ZCCHC2: variants seen among roughly 807,000 people sequenced by gnomAD.
ZCCHC2 encodes the protein zinc finger CCHC-type containing 2, also known as zinc finger CCHC domain-containing protein 2.
ZCCHC2 carries 39 observed loss-of-function variants against 103.6 expected under a neutral mutation model. The observed-to-expected ratio is 0.38, with a 90% CI of 0.29 to 0.49. The LOEUF (loss-of-function observed/expected upper bound fraction) is 0.49. Among genes scored for constraint, ZCCHC2 ranks in the 20% least tolerant of loss-of-function variants. ZCCHC2 has a pLI of 0.96. For synonymous variants in ZCCHC2, 687 were observed against 608.9 expected, an observed-to-expected ratio of 1.13 and a Z score of -1.89; for missense variants, 1,483 against 1,491.0, an observed-to-expected ratio of 0.99 and a Z score of 0.09.
At chr18:62,524,417 C>G (rs939419408) in intron 1 of ZCCHC2, 54 bp downstream of exon 1, 2 of 1,426,740 alleles carry the variant, frequency 1.4e-6, no homozygotes, top group African/African-American at 3.0e-5. Flanking sequence ...CCCCGGCGGC[C>G]TCCCCGGCCT....
At chr18:62,584,796 C>T (rs1455684590) in exon 15 of ZCCHC2, 1 of 152,334 alleles carries the variant, frequency 6.6e-6, no homozygotes, top group Admixed American at 6.5e-5. Context: ...TGTTTCCCCT[C>T]GTTTTCTAGG....
intron 5 of ZCCHC2, among the ~76,000 whole-genome samples, chr18:62,554,440 C>T (rs1464835099): frequency 6.6e-6 from 1 of 152,178 alleles, no homozygotes; most frequent in East Asian, 1.9e-4. Flanking sequence ...TTGTTTTTCT[C>T]ACTCATTTGA....
intron 4 of ZCCHC2, among the ~76,000 whole-genome samples, chr18:62,546,765 C>T (rs1360121240): frequency 2.0e-5 from 3 of 152,196 alleles, no homozygotes; most frequent in South Asian, 2.1e-4. Flanking sequence ...TTTCTTCAGT[C>T]GCCCATTTTT....
At chr18:62,525,711 C>A (rs112842661) in intron 1 of ZCCHC2, among the ~76,000 whole-genome samples, 77 of 152,050 alleles carry the variant, frequency 5.1e-4, no homozygotes, top group African/African-American at 1.7e-3. Flanking sequence ...TTTTATCAAA[C>A]TCAGATGTAA....
intron 1 of ZCCHC2, among the ~76,000 whole-genome samples, chr18:62,532,127 G>A (rs912249538): frequency 3.9e-5 from 6 of 152,358 alleles, no homozygotes; most frequent in Middle Eastern, 3.4e-3. Context: ...GTGTGTGCGC[G>A]CGCGCGCACG....
intron 1 of ZCCHC2, among the ~76,000 whole-genome samples, chr18:62,535,635 G>T (rs1914890929): frequency 6.6e-6 from 1 of 152,198 alleles, no homozygotes; most frequent in African/African-American, 2.4e-5. Context: ...GTCTCATGTG[G>T]TGTCTCAGGA....
rs116840410 is a variant in ZCCHC2, at chr18:62,575,567, C to A, written c.3469+17C>A. 4.5e-4 allele frequency: 723 copies of A among 1,601,144 alleles called. 4 individuals carry two copies. The African/African-American group carries it at 8.7e-3, about 19-fold the overall frequency. On this transcript the variant is annotated intron_variant, in intron 13 of 13. Transcript: ENST00000269499. ...ATCAACAAGGTAATCACAATAACTC[C>A]CAGAGGACTTGTTTTTGAGTTCACT...
rs2145524406 is a variant in ZCCHC2, at chr18:62,565,104, G to A, written c.1846+8G>A. ...ATGGTGGTACTGTGAAAGGTAAGAAGGTTATTTTTCTTTCAAATACCCATC... is the reference window on the plus strand; with the variant it reads ...ATGGTGGTACTGTGAAAGGTAAGAAAGTTATTTTTCTTTCAAATACCCATC... On this transcript the variant is annotated splice_region_variant and intron_variant, in intron 11 of 13. Coordinates refer to ENST00000269499, the MANE Select transcript of ZCCHC2 (RefSeq NM_017742.6). The A allele has an allele frequency of 6.2e-7, 1 of 1,600,334 alleles. No individual in the cohort carries two copies. The highest frequency in any genetic ancestry group is 8.6e-7 in the Non-Finnish European group (1 of 1,168,456).
chr18:62,528,599 GAA>G (rs11409827), intron 1 of ZCCHC2, among the ~76,000 whole-genome samples: 1 of 144,834 alleles, frequency 6.9e-6, no homozygotes, highest in Admixed American at 6.8e-5. Context: ...ACTGTCTCGG[GAA>G]AAAAAAAAAA....
chr18:62,560,628 A>G lies in ZCCHC2; in HGVS notation c.1534A>G (p.Lys512Glu). The change falls in exon 8 of 14, where the codon AAA (lysine) becomes GAA (glutamate). Residue 512 changes from lysine to glutamate, a missense_variant. Lys to Glu is a moderately conservative substitution (Grantham distance 56). Coordinates refer to ENST00000269499, the MANE Select transcript of ZCCHC2 (RefSeq NM_017742.6). ...HAIIHKKHTG[K>E]SPIVNNIGTS... ...CATAATCCACAAGAAGCATACTGGGAAAAGTCCCATTGTGAAGTAAGTATC... is the reference window on the plus strand; with the variant it reads ...CATAATCCACAAGAAGCATACTGGGGAAAGTCCCATTGTGAAGTAAGTATC... 6.2e-7 allele frequency: 1 copy of G among 1,613,214 alleles called. No homozygotes were observed. The highest frequency in any genetic ancestry group is 8.5e-7 in the Non-Finnish European group (1 of 1,179,424).
intron 4 of ZCCHC2, among the ~76,000 whole-genome samples, chr18:62,545,516 C>A (rs756884308): frequency 6.6e-6 from 1 of 152,106 alleles, no homozygotes; most frequent in Non-Finnish European, 1.5e-5. Flanking sequence ...TACAGACTTG[C>A]CAGAGGTGAA....
In ZCCHC2 at chr18:62,539,795, A is replaced by G. The variant is rs943194026; in HGVS notation, c.1051+3A>G. 1.3e-6 allele frequency: 2 copies of G among 1,600,006 alleles called. No homozygotes were observed. ...ACCTCACAGAGCTCAGCGAGAAGGT[A>G]TGCTCTCTTTTTTGTAAACTTAAAG... is the stretch of plus-strand genomic sequence containing the variant. On this transcript the variant is annotated splice_donor_region_variant and intron_variant, in intron 2 of 13. Transcript: ENST00000269499.
At chr18:62,548,588 T>A (rs1181025948) in intron 4 of ZCCHC2, among the ~76,000 whole-genome samples, 1 of 152,244 alleles carries the variant, frequency 6.6e-6, no homozygotes, top group African/African-American at 2.4e-5. Flanking sequence ...ATTAAAATGC[T>A]AATATCAAAA....
chr18:62,571,885 A>G (rs146391401), intron 12 of ZCCHC2, among the ~76,000 whole-genome samples: 1 of 152,324 alleles, frequency 6.6e-6, no homozygotes, highest in African/African-American at 2.4e-5. Flanking sequence ...TTGCTACATG[A>G]TATACAATTA....
chr18:62,543,930 A>G (rs1915307115), intron 3 of ZCCHC2, among the ~76,000 whole-genome samples: 1 of 152,252 alleles, frequency 6.6e-6, no homozygotes, highest in Non-Finnish European at 1.5e-5. Flanking sequence ...CTATCACTTA[A>G]GAAATGTAAT....
At chr18:62,585,457 C>A (rs1339487182) in exon 15 of ZCCHC2, 1 of 152,252 alleles carries the variant, frequency 6.6e-6, no homozygotes, top group Admixed American at 6.5e-5. Flanking sequence ...AGAACAGTCA[C>A]CCCCAACAAC....
chr18:62,556,093 T>G (rs1056387942), intron 5 of ZCCHC2, 110 bp from the exon 6 acceptor site: 15 of 758,672 alleles, frequency 2.0e-5, no homozygotes, highest in Admixed American at 2.9e-5. Flanking sequence ...AAAAATATTT[T>G]TCCATACCTG....
intron 1 of ZCCHC2, among the ~76,000 whole-genome samples, chr18:62,528,279 T>C (rs959396589): frequency 2.0e-5 from 3 of 152,256 alleles, no homozygotes; most frequent in African/African-American, 7.2e-5. Context: ...GTCCTTCACT[T>C]ACTAAAAGTA....
chr18:62,540,935 C>G (rs577270541), intron 2 of ZCCHC2, among the ~76,000 whole-genome samples: 1 of 152,260 alleles, frequency 6.6e-6, no homozygotes, highest in Non-Finnish European at 1.5e-5. Context: ...GCTGTGTTCC[C>G]ATGTCCTGTA....
Sources: gnomAD v4.1 joint callset for allele counts (sites outside exome capture counted in the v4.1 genomes callset) on GRCh38, gnomAD v4.1.1 for gene constraint, MANE v1.5 for transcripts, NCBI Gene and HGNC (gene_info 2026-07-23, HGNC 2026-07-21) for gene names.